Variants in CCDC102A observed in about 807,000 individuals in gnomAD.
CCDC102A encodes the protein coiled-coil domain containing 102A.
Under a neutral mutation model 55.5 loss-of-function variants are expected in CCDC102A, and 40 were observed. The observed-to-expected ratio is 0.72, with a 90% CI of 0.56 to 0.94. The LOEUF is 0.94. Among genes scored for constraint, CCDC102A ranks in the 40% least tolerant of loss-of-function variants. The pLI is 0.00. For synonymous variants in CCDC102A, 323 were observed against 339.0 expected, an observed-to-expected ratio of 0.95 and a Z score of 0.52; for missense variants, 779 against 768.6, an observed-to-expected ratio of 1.01 and a Z score of -0.16.
Position 57,528,643 on chromosome 16 carries a change from C to T in CCDC102A, c.535G>A (p.Glu179Lys). The T allele has an allele frequency of 8.3e-7, 1 of 1,205,776 alleles. No homozygotes were observed. Among genetic ancestry groups the T allele is most frequent in the Non-Finnish European group, 1.0e-6 (1 of 964,542 alleles). The allele number at this position is 1,205,776 out of a possible 1,614,324, so 74.7% of individuals were successfully genotyped here. The change falls in exon 2 of 9, where the codon GAG (glutamate) becomes AAG (lysine). Residue 179 changes from glutamate (E) to lysine (K), a missense_variant. Glu to Lys is a moderately conservative substitution (Grantham distance 56). Coordinates refer to ENST00000258214, the MANE Select transcript of CCDC102A (RefSeq NM_033212.4). ...CCGACGTCACGCACTGGCTCGCGCT[C>T]CGCTTCCGGCTCGGGGCCGTCGCGC... is the stretch of plus-strand genomic sequence containing the variant. ...QTRDGPEPEA[E>K]REPVRDVGSE...
rs1168037315 is a variant in CCDC102A, at chr16:57,528,814, C to G, written c.364G>C (p.Val122Leu). ...TCCAGGCGCTGGCGCAGCTGGCGCACCTCCTCGCGCGCGCGGTTGCGCTCA... is the reference window on the plus strand; with the variant it reads ...TCCAGGCGCTGGCGCAGCTGGCGCAGCTCCTCGCGCGCGCGGTTGCGCTCA... ...RAERNRAREE[V>L]RQLRQRLDAL... Residue 122 changes from valine (V) to leucine (L), a missense_variant, in exon 2 of 9, where the codon GTG becomes CTG. Transcript: ENST00000258214. 6 of 1,248,052 alleles carry G rather than the reference C, an allele frequency of 4.8e-6. No homozygotes were observed. The highest frequency in any genetic ancestry group is 6.1e-6 in the Non-Finnish European group (6 of 986,182). 77.3% of individuals were successfully genotyped at this position (1,248,052 alleles called of 1,614,324 possible).
chr16:57,525,570 T>C (rs1372518126), intron 3 of CCDC102A, among the ~76,000 whole-genome samples: 9 of 152,182 alleles, frequency 5.9e-5, no homozygotes. Context: ...CCAACTTCCC[T>C]GTCTCCATTC....
chr16:57,530,008 G>T (rs2032225848), intron 1 of CCDC102A, among the ~76,000 whole-genome samples: 1 of 152,190 alleles, frequency 6.6e-6, no homozygotes, highest in Non-Finnish European at 1.5e-5. Flanking sequence ...TGGAGGTGAA[G>T]AAAATGATTA....
rs181352821 is a variant in CCDC102A, at chr16:57,527,444, A to C, written c.585+1149T>G. Among the ~76,000 whole-genome samples, 559 of 127,922 alleles carry C rather than the reference A, an allele frequency of 4.4e-3. 5 individuals carry two copies. Among genetic ancestry groups the C allele is most frequent in the African/African-American group, 0.017 (541 of 32,690 alleles). 83.9% of individuals were successfully genotyped at this position (127,922 alleles called of 152,430 possible). Reference sequence around the variant, plus strand: ...TTTTTTTTTTTTTTTTTTGAGATGGAGATTCACTCTCGTTGCCCAGGCTGG... The same window carrying C: ...TTTTTTTTTTTTTTTTTTGAGATGGCGATTCACTCTCGTTGCCCAGGCTGG... On this transcript the variant is annotated intron_variant, in intron 2 of 8. Transcript: ENST00000258214.
Position 57,525,997 on chromosome 16 carries a change from C to G in CCDC102A, c.716G>C (p.Trp239Ser), listed in dbSNP as rs1487471044. 4 of 1,609,808 alleles carry G rather than the reference C, an allele frequency of 2.5e-6. No homozygotes were observed. The highest frequency in any genetic ancestry group is 3.4e-6 in the Non-Finnish European group (4 of 1,178,494). ...CTCCTCCGTGGCAGCTGTGTCCTCC[C>G]AGGGTAGCCGGCTGCGCTCCTGGCG... is the stretch of plus-strand genomic sequence containing the variant. ...SGRQERSRLP[W>S]EDTAATEEEA... The change falls in exon 3 of 9, where the codon TGG (tryptophan) becomes TCG (serine). Residue 239 changes from tryptophan (W) to serine (S), a missense_variant. Physicochemically the swap from Trp to Ser is radical, Grantham distance 177. Transcript: ENST00000258214.
At chr16:57,521,223 T>C (rs1255150964) in intron 3 of CCDC102A, 47 bp from the exon 4 acceptor site, 1 of 1,446,904 alleles carries the variant, frequency 6.9e-7, no homozygotes, top group Non-Finnish European at 9.7e-7. Context: ...GGCCCTCTGC[T>C]TGGAGTCCTC....
At chr16:57,535,492 T>G (rs1182071861) in intron 1 of CCDC102A, among the ~76,000 whole-genome samples, 1 of 152,076 alleles carries the variant, frequency 6.6e-6, no homozygotes, top group Non-Finnish European at 1.5e-5. Context: ...ATGGGATGCC[T>G]CCTCTTCTGG....
chr16:57,522,752 G>T (rs1001693301), intron 3 of CCDC102A, among the ~76,000 whole-genome samples: 1 of 152,232 alleles, frequency 6.6e-6, no homozygotes, highest in African/African-American at 2.4e-5. Flanking sequence ...CACATGCTAT[G>T]TCTTTGCTGT....
chr16:57,530,288 C>G (rs1457783062), intron 1 of CCDC102A, among the ~76,000 whole-genome samples: 2 of 152,192 alleles, frequency 1.3e-5, no homozygotes, highest in African/African-American at 4.8e-5. Flanking sequence ...GCCATGCCCC[C>G]CTCCTCCTTA....
At chr16:57,528,353 C>T (rs1455745155) in intron 2 of CCDC102A, among the ~76,000 whole-genome samples, 1 of 152,174 alleles carries the variant, frequency 6.6e-6, no homozygotes, top group African/African-American at 2.4e-5. Context: ...GGGATGATTC[C>T]TTGGTTCTGT....
chr16:57,528,652 G>A lies in CCDC102A; in HGVS notation c.526C>T (p.Pro176Ser). The A allele has an allele frequency of 3.4e-6, 4 of 1,180,322 alleles. No individual in the cohort carries two copies. Among genetic ancestry groups the A allele is most frequent in the Non-Finnish European group, 4.2e-6 (4 of 949,750 alleles). 73.1% of individuals were successfully genotyped at this position (1,180,322 alleles called of 1,614,324 possible). A position where few individuals can be genotyped will look rare whatever the true frequency, so the allele number is the denominator to read the frequency against. The change falls in exon 2 of 9, where the codon CCG becomes TCG. Residue 176 changes from proline to serine, a missense_variant. Pro to Ser is a moderately conservative substitution (Grantham distance 74). Transcript: ENST00000258214. ...VADQTRDGPE[P>S]EAEREPVRDV... The stretch of plus-strand genomic sequence containing the variant: ...CGCACTGGCTCGCGCTCCGCTTCCG[G>A]CTCGGGGCCGTCGCGCGTCTGGTCG...
chr16:57,525,169 C>T (rs1306123109), intron 3 of CCDC102A, among the ~76,000 whole-genome samples: 2 of 152,170 alleles, frequency 1.3e-5, no homozygotes, highest in African/African-American at 4.8e-5. Flanking sequence ...AATTCCGGCT[C>T]ACTGCAACCT....
chr16:57,526,145 G>A lies in CCDC102A; in HGVS notation c.586-18C>T. ...TCCAGTTCCTGCGGGGACCAAGGTG[G>A]AGGCTGGACCAGTGGCCGCCAAGCC... On this transcript the variant is annotated intron_variant, in intron 2 of 8. Coordinates refer to ENST00000258214, the MANE Select transcript of CCDC102A (RefSeq NM_033212.4). 2.0e-6 allele frequency: 3 copies of A among 1,516,762 alleles called. No homozygotes were observed. The highest frequency in any genetic ancestry group is 2.4e-5 in the East Asian group (1 of 40,986). The allele number at this position is 1,516,762 out of a possible 1,614,324, so 94.0% of individuals were successfully genotyped here. A position where few individuals can be genotyped will look rare whatever the true frequency, so the allele number is the denominator to read the frequency against.
At chr16:57,524,377 C>T (rs1179132657) in intron 3 of CCDC102A, among the ~76,000 whole-genome samples, 1 of 152,046 alleles carries the variant, frequency 6.6e-6, no homozygotes, top group African/African-American at 2.4e-5. Context: ...GTGAGCTGGG[C>T]ACTTGCACTT....
In CCDC102A at chr16:57,512,532, G is replaced by T; in HGVS notation, c.*209C>A. The T allele has an allele frequency of 1.9e-6, 1 of 523,466 alleles. No homozygotes were observed. Among genetic ancestry groups the T allele is most frequent in the Non-Finnish European group, 3.3e-6 (1 of 306,132 alleles). 32.4% of individuals were successfully genotyped at this position (523,466 alleles called of 1,614,324 possible). On this transcript the variant is annotated 3_prime_UTR_variant, in exon 9 of 9. Coordinates refer to ENST00000258214, the MANE Select transcript of CCDC102A (RefSeq NM_033212.4). ...TGGGTGTGCGCGCGCGCGCGCGCGTGTGTGTATATATATATATAAAACATA... is the reference window on the plus strand; with the variant it reads ...TGGGTGTGCGCGCGCGCGCGCGCGTTTGTGTATATATATATATAAAACATA...
chr16:57,516,705 T>C lies in CCDC102A; in HGVS notation c.1249-242A>G. ...GTGGAACCTGTGGCTCCGGTTTGGA[T>C]GTGTAACTTTCAGATGCTACTGGAT... On this transcript the variant is annotated intron_variant, in intron 6 of 8. Transcript: ENST00000258214. The surrounding 1 kb of genome is among the most constrained non-coding windows in gnomAD (Gnocchi z 4.4). 1.8e-6 allele frequency: 1 copy of C among 569,946 alleles called. No individual in the cohort carries two copies. Among genetic ancestry groups the C allele is most frequent in the Non-Finnish European group, 3.1e-6 (1 of 318,150 alleles). The allele number at this position is 569,946 out of a possible 1,614,324, so 35.3% of individuals were successfully genotyped here.
rs372606995 is a variant in CCDC102A at position 57,525,955 on chromosome 16, G to T, written c.758C>A (p.Thr253Asn). The change falls in exon 3 of 9, where the codon ACC becomes AAC. Residue 253 changes from threonine to asparagine, a missense_variant. Thr to Asn is a moderately conservative substitution (Grantham distance 65). Coordinates refer to ENST00000258214, the MANE Select transcript of CCDC102A (RefSeq NM_033212.4). ...CTCATCCAGCCGTAGCCGCAGGGCG[G>T]TCAACTTGGAGGCCTCCTCCTCCGT... Reference protein sequence around the residue: ...AATEEEASKLTALRLRLDESQ... With the variant: ...AATEEEASKLNALRLRLDESQ... 1 of 1,612,342 alleles carries T rather than the reference G, an allele frequency of 6.2e-7. No homozygotes were observed. The highest frequency in any genetic ancestry group is 2.2e-5 in the East Asian group (1 of 44,806).
At chr16:57,524,072 G>C (rs1041128074) in intron 3 of CCDC102A, among the ~76,000 whole-genome samples, 4 of 152,144 alleles carry the variant, frequency 2.6e-5, no homozygotes, top group Non-Finnish European at 4.4e-5. Flanking sequence ...ACACAGTGAC[G>C]ATGGCAAGAG....
chr16:57,533,887 G>A (rs1372627188), intron 1 of CCDC102A, among the ~76,000 whole-genome samples: 2 of 152,156 alleles, frequency 1.3e-5, no homozygotes, highest in African/African-American at 4.8e-5. Flanking sequence ...CTCTTGCCAT[G>A]GGGTGTCTAT....
Sources: allele counts gnomAD v4.1 joint callset (sites outside exome capture counted in the v4.1 genomes callset), GRCh38; gene constraint gnomAD v4.1.1; non-coding constraint Gnocchi (gnomAD v3.1); transcripts MANE v1.5; gene names NCBI Gene and HGNC (gene_info 2026-07-23, HGNC 2026-07-21).